LINC00632: variants seen among roughly 807,000 people sequenced by gnomAD.
The protein encoded by LINC00632 is ALDOA related specific transcript.
intron 3 of LINC00632, among the ~76,000 whole-genome samples, chrX:140,738,477 A>G (rs1225442810): frequency 8.9e-6 from 1 of 112,393 alleles, no homozygotes; most frequent in Non-Finnish European, 1.9e-5. Flanking sequence ...TTTCTGCCAG[A>G]TGCTTCTGTG....
At chrX:140,776,071 A>G (rs1931867216) in exon 5 of LINC00632, among the ~76,000 whole-genome samples, 1 of 112,493 alleles carries the variant, frequency 8.9e-6, no homozygotes, top group South Asian at 3.7e-4. Flanking sequence ...AGGAACTTCA[A>G]CAAATTTACA....
chrX:140,786,999 G>A (rs2148407077), exon 5 of LINC00632, among the ~76,000 whole-genome samples: 1 of 111,349 alleles, frequency 9.0e-6, no homozygotes, highest in Non-Finnish European at 1.9e-5. Flanking sequence ...TACTGGATGG[G>A]TTGCATTATG....
intron 2 of LINC00632, among the ~76,000 whole-genome samples, chrX:140,729,253 T>C (rs1340289032): frequency 9.1e-6 from 1 of 109,486 alleles, no homozygotes; most frequent in Non-Finnish European, 1.9e-5. Context: ...ACACCTCATA[T>C]CACATCGAGA....
intron 3 of LINC00632, among the ~76,000 whole-genome samples, chrX:140,767,763 G>A (rs1485672861): frequency 8.9e-6 from 1 of 111,774 alleles, no homozygotes; most frequent in African/African-American, 3.3e-5. Flanking sequence ...TGTTCATGTG[G>A]TTATGGAGGA....
intron 3 of LINC00632, among the ~76,000 whole-genome samples, chrX:140,750,855 T>C (rs1931401093): frequency 9.0e-6 from 1 of 111,313 alleles, no homozygotes; most frequent in South Asian, 3.8e-4. Context: ...CTCCCACTTA[T>C]TAGTGGGAAT....
exon 5 of LINC00632, among the ~76,000 whole-genome samples, chrX:140,788,775 GTGTATA>G (rs767683156): frequency 2.5e-4 from 26 of 104,448 alleles, no homozygotes; most frequent in African/African-American, 8.4e-4. Flanking sequence ...ACACATATAT[GTGTATA>G]TATGTATATT....
At position 140,783,759 on chromosome X, in the gene LINC00632, C is replaced by T. The variant is rs1232021306; in HGVS notation, n.11778C>T. The T allele has an allele frequency of 3.3e-6, 4 of 1,210,403 alleles. No homozygotes were observed. In the Admixed American group the frequency reaches 8.7e-5, roughly 26 times the overall value. ...TCTTCCGGAAAAAATCCAGGTCTTC[C>T]AGCCAATATATGTCTTCCTGAAGAT... On this transcript the variant is annotated non_coding_transcript_exon_variant, in exon 5 of 5. Coordinates refer to ENST00000648200, the Ensembl canonical transcript of LINC00632.
intron 3 of LINC00632, among the ~76,000 whole-genome samples, chrX:140,744,651 C>A (rs1931298289): frequency 9.3e-6 from 1 of 107,666 alleles, no homozygotes; most frequent in Non-Finnish European, 1.9e-5. Flanking sequence ...CTCACTGCAA[C>A]CTCTGCCTCC....
chrX:140,712,988 G>C lies in LINC00632; in HGVS notation n.104+1332G>C, dbSNP rs149912223. 5.0e-3 allele frequency among the ~76,000 whole-genome samples: 552 copies of C among 110,813 alleles called. 5 individuals carry two copies. The highest frequency in any genetic ancestry group is 0.017 in the African/African-American group (514 of 30,490). On this transcript the variant is annotated intron_variant and non_coding_transcript_variant, in intron 2 of 4. Coordinates refer to ENST00000648200, the Ensembl canonical transcript of LINC00632. Reference sequence around the variant, plus strand: ...GACTTGCCGCATTAGACTGTGTTTTGTTTATGAGGAGGCTGGTTTCCCTGG... The same window carrying C: ...GACTTGCCGCATTAGACTGTGTTTTCTTTATGAGGAGGCTGGTTTCCCTGG...
chrX:140,729,877 C>CTTT (rs1207034823), intron 2 of LINC00632, among the ~76,000 whole-genome samples: 2 of 90,849 alleles, frequency 2.2e-5, no homozygotes, highest in African/African-American at 8.6e-5. Context: ...TTTCTTTTTT[C>CTTT]TTTTTTTTTT....
At chrX:140,786,093 C>T (rs1932014765) in exon 5 of LINC00632, among the ~76,000 whole-genome samples, 1 of 111,785 alleles carries the variant, frequency 8.9e-6, no homozygotes, top group African/African-American at 3.3e-5. Flanking sequence ...GCATGAAAAC[C>T]ACATAATTAA....
chrX:140,723,361 CACACACACATTCCAT>C (rs754543897), intron 2 of LINC00632, among the ~76,000 whole-genome samples: 5,246 of 49,114 alleles, frequency 0.11, 251 homozygotes, highest in East Asian at 0.13. Context: ...ACATTCCACA[CACACACACATTCCAT>C]ACACACACAT....
chrX:140,749,258 C>T (rs935294306), intron 3 of LINC00632, among the ~76,000 whole-genome samples: 1 of 111,320 alleles, frequency 9.0e-6, no homozygotes, highest in Admixed American at 9.7e-5. Flanking sequence ...ATATGTGAGG[C>T]GGTTGTCTAG....
At position 140,759,285 on chromosome X, in the gene LINC00632, TTTCTTTCCTTCC is replaced by T. The variant is rs1277400789; in HGVS notation, n.192-12789_192-12778del. Among the ~76,000 whole-genome samples the T allele has an allele frequency of 5.0e-3, 472 of 93,825 alleles. 2 individuals carry two copies. Among genetic ancestry groups the T allele is most frequent in the Middle Eastern group, 0.011 (2 of 183 alleles). 81.5% of individuals were successfully genotyped at this position (93,825 alleles called of 115,157 possible). ...CATCACCCCAGGCCTCTTTTCTTTCTTTCTTTCCTTCCTTCCTTCCTTCCTTCCTTCCTTCCT... is the reference window on the plus strand; with the variant it reads ...CATCACCCCAGGCCTCTTTTCTTTCTTTCCTTCCTTCCTTCCTTCCTTCCT... On this transcript the variant is annotated intron_variant and non_coding_transcript_variant, in intron 3 of 4. Transcript: ENST00000648200.
In LINC00632 at chrX:140,766,392, C is replaced by T. The variant is rs138441013; in HGVS notation, n.192-5686C>T. Among the ~76,000 whole-genome samples the T allele has an allele frequency of 4.1e-3, 455 of 111,613 alleles. 2 individuals carry two copies. Among genetic ancestry groups the T allele is most frequent in the South Asian group, 0.019 (52 of 2,676 alleles). ...TCTATTTGGTTGTTAACCCATTGAA[C>T]CATAGAAAGAGAGTGAAGATGTTCC... On this transcript the variant is annotated intron_variant and non_coding_transcript_variant, in intron 3 of 4. Coordinates refer to ENST00000648200, the Ensembl canonical transcript of LINC00632.
chrX:140,736,876 TTTTTTCTTTTTTCTTTTTC>T (rs935157722), intron 3 of LINC00632, among the ~76,000 whole-genome samples: 1 of 108,831 alleles, frequency 9.2e-6, no homozygotes, highest in Non-Finnish European at 1.9e-5. Context: ...AGATTGATGC[TTTTTTCTTTTTTCTTTTTC>T]TTTTCTTTTT....
At chrX:140,712,808 CT>C (rs1402998705) in intron 2 of LINC00632, among the ~76,000 whole-genome samples, 1 of 106,481 alleles carries the variant, frequency 9.4e-6, no homozygotes, top group East Asian at 3.0e-4. Context: ...AGCTTTCTCT[CT>C]CTATTGACTT....
At chrX:140,725,296 C>A (rs1043741398) in intron 2 of LINC00632, among the ~76,000 whole-genome samples, 2 of 90,071 alleles carry the variant, frequency 2.2e-5, no homozygotes, top group Admixed American at 1.2e-4. Context: ...CACACACATT[C>A]CATACGCACA....
chrX:140,762,242 A>AGAGAGAGAGC lies in LINC00632; in HGVS notation n.192-9835_192-9834insAGAGAGAGCG, dbSNP rs1286418753. ...GAGAGAGAGAGAGAGAGAGAGAGAG[A>AGAGAGAGAGC]GCACTCTTATCTTTCCCCACTAGAT... On this transcript the variant is annotated intron_variant and non_coding_transcript_variant, in intron 3 of 4. Transcript: ENST00000648200. 2.6e-3 allele frequency among the ~76,000 whole-genome samples: 260 copies of AGAGAGAGAGC among 99,618 alleles called. 2 individuals are homozygous for AGAGAGAGAGC. The highest frequency in any genetic ancestry group is 0.011 in the South Asian group (23 of 2,107). The allele number at this position is 99,618 out of a possible 115,157, so 86.5% of individuals were successfully genotyped here. A position where few individuals can be genotyped will look rare whatever the true frequency, so the allele number is the denominator to read the frequency against.
Sources: gnomAD v4.1 joint callset for allele counts (sites outside exome capture counted in the v4.1 genomes callset) on GRCh38, gnomAD v4.1.1 for gene constraint, MANE v1.5 for transcripts, NCBI Gene and HGNC (gene_info 2026-07-23, HGNC 2026-07-21) for gene names.